The following CFAP70 variants were observed in gnomAD, a reference collection of about 807,000 sequenced individuals.
The protein encoded by CFAP70 is cilia- and flagella-associated protein 70.
Under a neutral mutation model 137.6 loss-of-function variants are expected in CFAP70, and 81 were observed. The observed-to-expected ratio is 0.59, with a 90% CI of 0.49 to 0.71. The LOEUF is 0.71. CFAP70 is among the 30% of genes least tolerant of loss of function. CFAP70 has a pLI of 0.00. For missense variants in CFAP70, 976 were observed against 1,226.7 expected, an observed-to-expected ratio of 0.80 and a Z score of 3.05; for synonymous variants, 382 against 423.6, an observed-to-expected ratio of 0.90 and a Z score of 1.20.
chr10:73,306,116 G>C (rs185831462), intron 12 of CFAP70, among the ~76,000 whole-genome samples: 110 of 152,072 alleles, frequency 7.2e-4, no homozygotes, highest in African/African-American at 2.5e-3. Flanking sequence ...ACTGAAGATG[G>C]AACAATTAAA....
chr10:73,278,010 C>A (rs957648757), intron 20 of CFAP70, among the ~76,000 whole-genome samples, 169 bp downstream of exon 21: 1 of 152,208 alleles, frequency 6.6e-6, no homozygotes, highest in African/African-American at 2.4e-5. Flanking sequence ...CTTCTGTGAG[C>A]TAAATATAAA....
chr10:73,286,511 A>G (rs893149661), intron 19 of CFAP70, among the ~76,000 whole-genome samples: 4 of 152,198 alleles, frequency 2.6e-5, no homozygotes, highest in African/African-American at 7.2e-5. Context: ...TTACCAACAG[A>G]GTGTCCTATA....
At chr10:73,277,004 T>A (rs563698577) in intron 21 of CFAP70, 1 of 351,230 alleles carries the variant, frequency 2.8e-6, no homozygotes, top group East Asian at 5.1e-5. Flanking sequence ...CTTTAGAGTC[T>A]GATTTAGCTC....
At chr10:73,290,939 A>G (rs1476348801) in intron 19 of CFAP70, among the ~76,000 whole-genome samples, 2 of 152,190 alleles carry the variant, frequency 1.3e-5, no homozygotes, top group Non-Finnish European at 2.9e-5. Flanking sequence ...AACTCAATGT[A>G]TTCATTCATT....
chr10:73,276,536 C>G (rs4471347), intron 21 of CFAP70: 23,629 of 152,022 alleles, frequency 0.16, 3,013 homozygotes, highest in African/African-American at 0.33. Context: ...TGTGTTAAAG[C>G]CTCCTGCTTA....
At chr10:73,341,667 A>T in intron 5 of CFAP70, 86 bp from the exon 7 acceptor site, 1 of 1,189,710 alleles carries the variant, frequency 8.4e-7, no homozygotes, top group South Asian at 1.3e-5. Flanking sequence ...TTTTCAATGG[A>T]ATGCTGAGTG....
intron 7 of CFAP70, 133 bp downstream of exon 8, chr10:73,335,297 T>C (rs2052538817): frequency 3.4e-6 from 2 of 584,034 alleles, no homozygotes; most frequent in Non-Finnish European, 6.1e-6. Context: ...CTCTAATATA[T>C]AGATGTGATA....
chr10:73,351,658 C>A (rs2054283876), intron 3 of CFAP70, among the ~76,000 whole-genome samples: 1 of 152,160 alleles, frequency 6.6e-6, no homozygotes, highest in Non-Finnish European at 1.5e-5. Flanking sequence ...GTCTTGAACT[C>A]CTGACCTTGT....
chr10:73,269,958 AC>A (rs2046111296), intron 24 of CFAP70, among the ~76,000 whole-genome samples: 1 of 152,034 alleles, frequency 6.6e-6, no homozygotes, highest in Non-Finnish European at 1.5e-5. Flanking sequence ...CTTAACTTAT[AC>A]CCCTTTCTTC....
intron 21 of CFAP70, 189 bp downstream of exon 22, chr10:73,277,051 G>T: frequency 1.8e-6 from 1 of 546,360 alleles, no homozygotes; most frequent in Non-Finnish European, 2.9e-6. Flanking sequence ...TTGCAGCGAG[G>T]TCTTCTGCTG....
chr10:73,281,916 T>A (rs1482702005), intron 19 of CFAP70, among the ~76,000 whole-genome samples: 1 of 152,238 alleles, frequency 6.6e-6, no homozygotes. Context: ...CTGCAAGTTC[T>A]CACTTATAAA....
At chr10:73,284,739 C>CATAT (rs539417737) in intron 19 of CFAP70, among the ~76,000 whole-genome samples, 6 of 27,488 alleles carry the variant, frequency 2.2e-4, no homozygotes, top group South Asian at 1.7e-3. Flanking sequence ...TGACCTGCCA[C>CATAT]ATATATATAT....
At chr10:73,269,177 A>T (rs1245259714) in intron 25 of CFAP70, among the ~76,000 whole-genome samples, 1 of 152,128 alleles carries the variant, frequency 6.6e-6, no homozygotes, top group Non-Finnish European at 1.5e-5. Context: ...CAAGTTATTT[A>T]AGTCTAACTA....
chr10:73,313,094 C>T (rs183511964), intron 9 of CFAP70, among the ~76,000 whole-genome samples: 117 of 151,988 alleles, frequency 7.7e-4, no homozygotes, highest in African/African-American at 2.5e-3. Flanking sequence ...CGAGGTGGGC[C>T]GGGCGTGGTG....
intron 8 of CFAP70, among the ~76,000 whole-genome samples, chr10:73,327,202 T>G (rs1220476482): frequency 1.3e-5 from 2 of 150,562 alleles, no homozygotes; most frequent in African/African-American, 4.9e-5. Context: ...TCAATAAATG[T>G]AATCCAGCAT....
intron 5 of CFAP70, among the ~76,000 whole-genome samples, chr10:73,341,793 T>C (rs973836546): frequency 1.3e-5 from 2 of 152,242 alleles, no homozygotes; most frequent in Admixed American, 6.5e-5. Flanking sequence ...ATAATGCAAA[T>C]TATTCTTGTT....
At chr10:73,333,580 G>A (rs2052340866) in intron 7 of CFAP70, among the ~76,000 whole-genome samples, 1 of 152,046 alleles carries the variant, frequency 6.6e-6, no homozygotes, top group African/African-American at 2.4e-5. Flanking sequence ...AACCATGCAA[G>A]CAAGAAGACA....
chr10:73,322,339 A>G (rs1038249819), intron 9 of CFAP70, among the ~76,000 whole-genome samples: 13 of 152,194 alleles, frequency 8.5e-5, no homozygotes, highest in Admixed American at 2.6e-4. Flanking sequence ...ATCAATATAG[A>G]TAAATTATTT....
intron 15 of CFAP70, 72 bp from the exon 17 acceptor site, chr10:73,293,460 T>A: frequency 7.3e-7 from 1 of 1,362,482 alleles, no homozygotes; most frequent in Non-Finnish European, 9.9e-7. Context: ...TAAGCATAAA[T>A]CCGATGTGAG....
Sources: gnomAD v4.1 joint callset for allele counts (sites outside exome capture counted in the v4.1 genomes callset) on GRCh38, gnomAD v4.1.1 for gene constraint, MANE v1.5 for transcripts, NCBI Gene and HGNC (gene_info 2026-07-23, HGNC 2026-07-21) for gene names.